The following INTS9 variants were observed in gnomAD, a reference collection of about 807,000 sequenced individuals.
The protein encoded by INTS9 is protein related to CPSF subunits of 74 kDa.
A neutral mutation model predicts 79.7 loss-of-function variants in INTS9; 55 were observed. The ratio of observed to expected loss-of-function variants is 0.69; its 90% CI spans 0.56 to 0.86. INTS9 has a LOEUF of 0.86. Ranked by LOEUF, INTS9 falls within the 40% of genes least tolerant of loss-of-function variation. The probability of loss-of-function intolerance (pLI) is 0.00; values close to 1 mark genes in which losing one functional copy is unlikely to be tolerated. For missense variants in INTS9, 721 were observed against 831.5 expected (o/e 0.87, Z 1.64); for synonymous variants, 319 against 325.2 (o/e 0.98, Z 0.20).
chr8:28,854,668 C>G (rs1808043943), intron 2 of INTS9, among the ~76,000 whole-genome samples: 1 of 152,104 alleles, frequency 6.6e-6, no homozygotes, highest in African/African-American at 2.4e-5. Flanking sequence ...GGACTGTGAG[C>G]AAAACACTCC....
chr8:28,823,557 AT>A (rs1290252727), intron 6 of INTS9, among the ~76,000 whole-genome samples: 1 of 151,864 alleles, frequency 6.6e-6, no homozygotes, highest in African/African-American at 2.4e-5. Context: ...TCTTACATAT[AT>A]GTAACTTAAT....
intron 1 of INTS9, among the ~76,000 whole-genome samples, chr8:28,888,988 C>T (rs980715123): frequency 1.3e-5 from 2 of 152,030 alleles, no homozygotes; most frequent in African/African-American, 4.8e-5. Flanking sequence ...ACTGCAACCT[C>T]TGCCTCCCGG....
At chr8:28,817,490 C>T (rs1246777925) in intron 6 of INTS9, among the ~76,000 whole-genome samples, 2 of 152,094 alleles carry the variant, frequency 1.3e-5, no homozygotes, top group Non-Finnish European at 1.5e-5. Context: ...TTTCTGAGGG[C>T]TCTGTTGTGT....
intron 1 of INTS9, among the ~76,000 whole-genome samples, chr8:28,861,317 A>G (rs1161828352): frequency 6.6e-6 from 1 of 152,188 alleles, no homozygotes; most frequent in Non-Finnish European, 1.5e-5. Flanking sequence ...CTTTATCCCC[A>G]TCTAAGAACT....
chr8:28,770,069 G>A (rs758203027), intron 15 of INTS9, 43 bp from the exon 16 acceptor site: 8 of 1,602,476 alleles, frequency 5.0e-6, no homozygotes, highest in Non-Finnish European at 6.8e-6. Context: ...CTTCCTCTGA[G>A]CAGCAGGGGC....
chr8:28,771,197 A>AT, intron 14 of INTS9, 117 bp from the exon 15 acceptor site: 2 of 862,084 alleles, frequency 2.3e-6, no homozygotes, highest in Non-Finnish European at 3.8e-6. Context: ...AAAGGTAAAC[A>AT]ATTTTTTTTT....
At position 28,824,223 on chromosome 8, in the gene INTS9, C is replaced by G. The variant is rs188327686; in HGVS notation, c.489-10611G>C. Among the ~76,000 whole-genome samples the G allele has an allele frequency of 3.3e-5, 5 of 152,312 alleles. No homozygotes were observed. The East Asian group carries it at 9.6e-4, about 29-fold the overall frequency. ...TCATCCTTGCCTACAGGCTGGCCTT[C>G]CCTCCCAGAAGGGCCTCAACAATAC... On this transcript the variant is annotated intron_variant, in intron 6 of 16. Coordinates refer to ENST00000521022, the MANE Select transcript of INTS9 (RefSeq NM_018250.4).
intron 14 of INTS9, among the ~76,000 whole-genome samples, chr8:28,773,132 G>GTGTT (rs1409770700): frequency 6.6e-6 from 1 of 152,170 alleles, no homozygotes; most frequent in African/African-American, 2.4e-5. Flanking sequence ...GCTCCTAAAA[G>GTGTT]TGTTATTTAT....
At chr8:28,834,769 C>T (rs543324104) in intron 6 of INTS9, among the ~76,000 whole-genome samples, 10 of 152,008 alleles carry the variant, frequency 6.6e-5, no homozygotes, top group East Asian at 1.9e-4. Context: ...CTCTGCCTCC[C>T]GGGTTCAAGC....
chr8:28,797,763 A>C (rs1563258183), intron 8 of INTS9, among the ~76,000 whole-genome samples: 1 of 152,226 alleles, frequency 6.6e-6, no homozygotes, highest in African/African-American at 2.4e-5. Context: ...ATCTCCATTG[A>C]AAATACCCAG....
intron 1 of INTS9, among the ~76,000 whole-genome samples, chr8:28,885,744 C>A (rs1810147075): frequency 6.6e-6 from 1 of 152,170 alleles, no homozygotes; most frequent in Admixed American, 6.5e-5. Flanking sequence ...TCGGTAAGGA[C>A]CTTTGTGAAT....
intron 1 of INTS9, among the ~76,000 whole-genome samples, chr8:28,869,617 C>G (rs1808957524): frequency 6.6e-6 from 1 of 152,164 alleles, no homozygotes; most frequent in Admixed American, 6.5e-5. Flanking sequence ...GGGCCAGGCC[C>G]TCCAACAATC....
chr8:28,768,078 T>C lies in INTS9; in HGVS notation c.*68A>G, dbSNP rs1802311336. 1 of 1,439,480 alleles carries C rather than the reference T, an allele frequency of 6.9e-7. No homozygotes were observed. Among genetic ancestry groups the C allele is most frequent in the Admixed American group, 1.7e-5 (1 of 59,620 alleles). 89.2% of individuals were successfully genotyped at this position (1,439,480 alleles called of 1,614,324 possible). A position where few individuals can be genotyped will look rare whatever the true frequency, so the allele number is the denominator to read the frequency against. ...AGTTAATGGCCTCTCATGCCACTCC[T>C]CAGGTGGCTTGTGAGGGCAGCCAGT... On this transcript the variant is annotated 3_prime_UTR_variant, in exon 17 of 17. Transcript: ENST00000521022.
intron 2 of INTS9, among the ~76,000 whole-genome samples, chr8:28,851,074 T>G (rs1807800441): frequency 6.6e-6 from 1 of 152,220 alleles, no homozygotes; most frequent in South Asian, 2.1e-4. Context: ...AAAAGCTTAA[T>G]GAAGAAGGCA....
chr8:28,812,370 A>G lies in INTS9; in HGVS notation c.701T>C (p.Val234Ala). The G allele has an allele frequency of 6.2e-7, 1 of 1,614,026 alleles. No individual in the cohort carries two copies. Residue 234 changes from valine (V) to alanine (A), a missense_variant, in exon 8 of 17, where the codon GTG becomes GCG. Around this residue, in one of 3 missense-constraint regions of INTS9, gnomAD observed 291 missense variants for 307.0 expected, o/e 0.95. Coordinates refer to ENST00000521022, the MANE Select transcript of INTS9 (RefSeq NM_018250.4). ...CAAGGAGGATCCAGAGACATAAGAC[A>G]CTTTCTCGTAATGAGACTGGATGAT... ...NWIIQSHYEKVSYVSGSSLLT... is the reference protein window; with the variant it reads ...NWIIQSHYEKASYVSGSSLLT...
intron 1 of INTS9, among the ~76,000 whole-genome samples, chr8:28,871,608 G>A (rs1809099189): frequency 1.3e-5 from 2 of 151,888 alleles, no homozygotes; most frequent in African/African-American, 4.8e-5. Context: ...GCCTCACTAT[G>A]TTGCCCAGGC....
chr8:28,881,495 G>T (rs1585534672), intron 1 of INTS9, among the ~76,000 whole-genome samples: 4 of 107,606 alleles, frequency 3.7e-5, no homozygotes, highest in African/African-American at 1.5e-4. Flanking sequence ...TCAGCCCCCC[G>T]CCCGGCCAGC....
chr8:28,795,101 A>G (rs1029186686), intron 9 of INTS9, among the ~76,000 whole-genome samples: 12 of 152,242 alleles, frequency 7.9e-5, no homozygotes, highest in Non-Finnish European at 1.8e-4. Context: ...CCGTGTAAAT[A>G]TAAGATGACC....
chr8:28,882,674 C>CA (rs1289976878), intron 1 of INTS9, among the ~76,000 whole-genome samples: 1 of 151,894 alleles, frequency 6.6e-6, no homozygotes, highest in Admixed American at 6.6e-5. Context: ...TCATAAACAT[C>CA]AGTGATGAGA....
Sources: gnomAD v4.1 joint callset for allele counts (sites outside exome capture counted in the v4.1 genomes callset) on GRCh38, gnomAD v4.1.1 for gene constraint, gnomAD v4.1.1 regional missense constraint, MANE v1.5 for transcripts, NCBI Gene and HGNC (gene_info 2026-07-23, HGNC 2026-07-21) for gene names.